The following CHL1 variants were observed in gnomAD, a reference collection of about 807,000 sequenced individuals.
CHL1 encodes the protein cell adhesion molecule L1 like.
Under a neutral mutation model 141.9 loss-of-function variants are expected in CHL1, and 96 were observed. That is an observed-to-expected ratio of 0.68 (90% CI 0.57 to 0.80). The LOEUF is 0.80. Among genes scored for constraint, CHL1 ranks in the 30% least tolerant of loss-of-function variants. CHL1 has a pLI of 0.00. For missense variants in CHL1, 1,820 were observed against 1,457.2 expected (o/e 1.25, Z -4.05); for synonymous variants, 613 against 502.2 (o/e 1.22, Z -2.95).
Position 407,977 on chromosome 3 carries a change from T to C in CHL1, c.*2266T>C, listed in dbSNP as rs939434612. 7.2e-5 allele frequency: 11 copies of C among 152,110 alleles called. No individual in the cohort carries two copies. The highest frequency in any genetic ancestry group is 3.9e-4 in the East Asian group (2 of 5,180). 9.4% of individuals were successfully genotyped at this position (152,110 alleles called of 1,614,324 possible). A position where few individuals can be genotyped will look rare whatever the true frequency, so the allele number is the denominator to read the frequency against. On this transcript the variant is annotated 3_prime_UTR_variant, in exon 28 of 28. Transcript: ENST00000256509. ...CATTGTTACCTTTCCTCAATACTATTTGGCAACTACTGGGACTCTTCAGCA... is the reference window on the plus strand; with the variant it reads ...CATTGTTACCTTTCCTCAATACTATCTGGCAACTACTGGGACTCTTCAGCA...
intron 15 of CHL1, among the ~76,000 whole-genome samples, chr3:367,317 G>A (rs186154823): frequency 6.6e-6 from 1 of 152,256 alleles, no homozygotes; most frequent in East Asian, 1.9e-4. Flanking sequence ...GTTTAGATAG[G>A]ACATGTGCTG....
chr3:393,255 G>C (rs1254316417), intron 23 of CHL1, among the ~76,000 whole-genome samples: 1 of 96,624 alleles, frequency 1.0e-5, no homozygotes, highest in African/African-American at 3.1e-5. Context: ...AAAGTGTTAA[G>C]AATGCAAAGC....
chr3:300,766 G>GA (rs35652774), intron 2 of CHL1, among the ~76,000 whole-genome samples: 8,765 of 147,764 alleles, frequency 0.059, 336 homozygotes, highest in South Asian at 0.092. Context: ...TTATTTCTAG[G>GA]AAAAAAAAAA....
At chr3:358,987 A>G (rs1357343419) in intron 11 of CHL1, among the ~76,000 whole-genome samples, 1 of 147,404 alleles carries the variant, frequency 6.8e-6, no homozygotes, top group Non-Finnish European at 1.5e-5. Flanking sequence ...ATATATATAT[A>G]TTATATACGG....
At chr3:255,819 G>C (rs1694104447) in intron 2 of CHL1, among the ~76,000 whole-genome samples, 1 of 152,146 alleles carries the variant, frequency 6.6e-6, no homozygotes, top group South Asian at 2.1e-4. Flanking sequence ...TCAGTGGATG[G>C]AGCCCAGGTA....
At chr3:248,224 A>G (rs926735613) in intron 2 of CHL1, 2 of 152,094 alleles carry the variant, frequency 1.3e-5, no homozygotes, top group African/African-American at 2.4e-5. Flanking sequence ...TTTTACTCAA[A>G]TCAAGTACAC....
intron 2 of CHL1, among the ~76,000 whole-genome samples, chr3:271,148 C>CA: frequency 6.6e-6 from 1 of 152,246 alleles, no homozygotes; most frequent in East Asian, 1.9e-4. Flanking sequence ...ATATTTTGGC[C>CA]AAAGTTCCAT....
rs546361295 is a variant in CHL1, at chr3:281,073, C to T, written c.-95+36381C>T. Among the ~76,000 whole-genome samples the T allele has an allele frequency of 7.6e-4, 115 of 152,218 alleles. 1 individual carries two copies. Among genetic ancestry groups the T allele is most frequent in the African/African-American group, 2.6e-3 (107 of 41,536 alleles). On this transcript the variant is annotated intron_variant, in intron 2 of 27. Coordinates refer to ENST00000256509, the MANE Select transcript of CHL1 (RefSeq NM_006614.4). ...TAGATACATTTTTTGGTAGTAATGACTTGTATTACTGGTTTCTCAAGGGTA... is the reference window on the plus strand; with the variant it reads ...TAGATACATTTTTTGGTAGTAATGATTTGTATTACTGGTTTCTCAAGGGTA...
Position 382,574 on chromosome 3 carries a change from T to C in CHL1, c.2079T>C (p.Ala693=). 6.2e-7 allele frequency: 1 copy of C among 1,613,898 alleles called. No homozygotes were observed. Among genetic ancestry groups the C allele is most frequent in the Non-Finnish European group, 8.5e-7 (1 of 1,179,878 alleles). Reference sequence around the variant, plus strand: ...AAACCACAGTTATCTTACCTTTGGCTCCATTTGTGAGATACCAGTTCAGGG... The same window carrying C: ...AAACCACAGTTATCTTACCTTTGGCCCCATTTGTGAGATACCAGTTCAGGG... The part of the protein sequence containing the change: ...GKKTTVILPL[A]PFVRYQFRVI... Residue 693 remains alanine, a synonymous_variant, in exon 18 of 28, where the codon GCT becomes GCC. Coordinates refer to ENST00000256509, the MANE Select transcript of CHL1 (RefSeq NM_006614.4).
At chr3:366,239 G>A (rs985396136) in intron 15 of CHL1, 124 bp downstream of exon 15, 5 of 844,270 alleles carry the variant, frequency 5.9e-6, no homozygotes, top group African/African-American at 3.5e-5. Flanking sequence ...GGGAGACCGA[G>A]GCGAGTGGAT....
intron 1 of CHL1, among the ~76,000 whole-genome samples, chr3:220,332 G>A (rs1392493713): frequency 2.6e-5 from 4 of 152,140 alleles, no homozygotes; most frequent in African/African-American, 7.2e-5. Context: ...AGTCAGGAGT[G>A]GTGGTATGCA....
At chr3:334,153 A>G (rs1347589344) in intron 5 of CHL1, among the ~76,000 whole-genome samples, 2 of 152,100 alleles carry the variant, frequency 1.3e-5, no homozygotes, top group African/African-American at 2.4e-5. Flanking sequence ...TAATTTACAT[A>G]TCATAAATTT....
chr3:362,281 A>G (rs1315951780), intron 13 of CHL1, among the ~76,000 whole-genome samples: 2 of 152,192 alleles, frequency 1.3e-5, no homozygotes, highest in Non-Finnish European at 2.9e-5. Context: ...CATTATCAAT[A>G]TGGATCTACC....
intron 2 of CHL1, among the ~76,000 whole-genome samples, chr3:317,083 C>G (rs957150374): frequency 3.9e-5 from 6 of 151,922 alleles, no homozygotes; most frequent in African/African-American, 1.4e-4. Flanking sequence ...ATTTAAACTT[C>G]TAATAATTTT....
At chr3:390,617 A>G in intron 20 of CHL1, 84 bp from the exon 21 acceptor site, 1 of 776,966 alleles carries the variant, frequency 1.3e-6, no homozygotes, top group East Asian at 2.5e-5. Context: ...TCTCCAGAAG[A>G]AACATTATGA....
chr3:383,764 A>ACT, intron 18 of CHL1, 52 bp from the exon 19 acceptor site: 1 of 1,315,126 alleles, frequency 7.6e-7, no homozygotes, highest in Non-Finnish European at 1.1e-6. Context: ...TGATATGATG[A>ACT]CTTACCTATG....
At chr3:223,318 A>G (rs1189564079) in intron 1 of CHL1, among the ~76,000 whole-genome samples, 3 of 152,228 alleles carry the variant, frequency 2.0e-5, no homozygotes, top group African/African-American at 7.2e-5. Flanking sequence ...TGCACTATGA[A>G]GTTAATATTA....
chr3:377,882 T>A lies in CHL1; in HGVS notation c.1816T>A (p.Cys606Ser). ...NVTLEDQGIYCCSAHTALDSA... is the reference protein window; with the variant it reads ...NVTLEDQGIYSCSAHTALDSA... Reference sequence around the variant, plus strand: ...AACTTTAGAGGACCAAGGTATTTACTGCTGTTCAGCTCATACTGCTCTAGA... The same window carrying A: ...AACTTTAGAGGACCAAGGTATTTACAGCTGTTCAGCTCATACTGCTCTAGA... Residue 606 changes from cysteine (C) to serine (S), a missense_variant, in exon 16 of 28, where the codon TGC becomes AGC. Physicochemically the swap from Cys to Ser is moderately radical, Grantham distance 112 (BLOSUM62 -1). Coordinates refer to ENST00000256509, the MANE Select transcript of CHL1 (RefSeq NM_006614.4). 6.2e-7 allele frequency: 1 copy of A among 1,612,824 alleles called. No homozygotes were observed. The highest frequency in any genetic ancestry group is 8.5e-7 in the Non-Finnish European group (1 of 1,178,934).
chr3:328,293 C>A lies in CHL1; in HGVS notation c.324C>A (p.Arg108=), dbSNP rs750811528. The change falls in exon 5 of 28, where the codon CGC becomes CGA. Residue 108 remains arginine, a synonymous_variant. Coordinates refer to ENST00000256509, the MANE Select transcript of CHL1 (RefSeq NM_006614.4). The part of the protein sequence containing the change: ...GHISHFQGKY[R]CFASNKLGIA... ...TATCTCACTTTCAAGGGAAATACCG[C>A]TGCTTTGCTTCAAATAAACTGGGAA... 1.6e-5 allele frequency: 25 copies of A among 1,612,454 alleles called. No individual in the cohort carries two copies. The South Asian group carries it at 2.5e-4, about 16-fold the overall frequency.
Sources: gnomAD v4.1 joint callset for allele counts (sites outside exome capture counted in the v4.1 genomes callset) on GRCh38, gnomAD v4.1.1 for gene constraint, MANE v1.5 for transcripts, NCBI Gene and HGNC (gene_info 2026-07-23, HGNC 2026-07-21) for gene names.